The following KLHL13 variants were observed in gnomAD, a reference collection of about 807,000 sequenced individuals.
KLHL13 encodes kelch-like protein 13.
Under a neutral mutation model 37.1 loss-of-function variants are expected in KLHL13, and 10 were observed. That is an observed-to-expected ratio of 0.27 (90% CI 0.17 to 0.46). KLHL13 has a LOEUF of 0.46. Ranked by LOEUF, KLHL13 falls within the 20% of genes least tolerant of loss-of-function variation. The probability of loss-of-function intolerance (pLI) is 1.00; values close to 1 mark genes in which losing one functional copy is unlikely to be tolerated. For synonymous variants in KLHL13, 163 were observed against 181.2 expected (o/e 0.90, Z 0.81); for missense variants, 360 against 509.3 (o/e 0.71, Z 2.82).
intron 1 of KLHL13, among the ~76,000 whole-genome samples, chrX:118,072,968 C>T (rs1191428095): frequency 9.1e-6 from 1 of 109,835 alleles, no homozygotes; most frequent in Non-Finnish European, 1.9e-5. Context: ...GTGGTGAGTG[C>T]CTCTATTGCC....
chrX:118,031,046 T>C (rs1418984892), intron 1 of KLHL13, among the ~76,000 whole-genome samples: 1 of 111,058 alleles, frequency 9.0e-6, no homozygotes, highest in East Asian at 2.8e-4. Flanking sequence ...GAGTAGGTGA[T>C]AGGATATGGA....
At chrX:117,926,768 C>T (rs896184846) in intron 2 of KLHL13, among the ~76,000 whole-genome samples, 7 of 108,609 alleles carry the variant, frequency 6.4e-5, no homozygotes, top group African/African-American at 2.4e-4. Context: ...CCCCACCTCA[C>T]CCCACCCCCT....
At chrX:118,075,769 G>A (rs759566721) in intron 1 of KLHL13, among the ~76,000 whole-genome samples, 6 of 111,626 alleles carry the variant, frequency 5.4e-5, no homozygotes, top group Non-Finnish European at 9.4e-5. Context: ...TTATCTACTA[G>A]ACACAAAAGA....
chrX:117,995,769 G>C (rs1421459663), intron 1 of KLHL13, among the ~76,000 whole-genome samples: 1 of 111,124 alleles, frequency 9.0e-6, no homozygotes, highest in Non-Finnish European at 1.9e-5. Context: ...ATTTGTGCTT[G>C]GCTCCTTTCA....
chrX:117,983,482 T>C (rs1052694417), intron 1 of KLHL13: 2 of 1,139,093 alleles, frequency 1.8e-6, no homozygotes, highest in East Asian at 3.3e-5. Context: ...GGACATACCC[T>C]GAAGTTGATT....
upstream of KLHL13, among the ~76,000 whole-genome samples, chrX:117,975,175 C>CAT (rs1483521368): frequency 9.9e-5 from 10 of 100,592 alleles, no homozygotes; most frequent in African/African-American, 4.4e-4. Flanking sequence ...AGGAGAAATA[C>CAT]ATACACACAC....
intron 1 of KLHL13, among the ~76,000 whole-genome samples, chrX:118,040,872 G>C (rs1182108636): frequency 8.9e-6 from 1 of 112,333 alleles, no homozygotes; most frequent in Non-Finnish European, 1.9e-5. Flanking sequence ...AGGCTTTTCA[G>C]TGGAAACCTT....
At chrX:117,910,093 T>C in exon 5 of KLHL13, 4 of 1,154,556 alleles carry the variant, frequency 3.5e-6, no homozygotes, top group Non-Finnish European at 4.6e-6. Context: ...TTGTCTAAAG[T>C]GACCTATTAA....
At chrX:117,926,885 CTTTTTTTTTTTTTTTTTTTTTTTTTT>C (rs10596292) in intron 2 of KLHL13, among the ~76,000 whole-genome samples, 15 of 26,157 alleles carry the variant, frequency 5.7e-4, no homozygotes, top group Non-Finnish European at 1.1e-3. Flanking sequence ...CCCCCTACTT[CTTTTTTTTTTTTTTTTTTTTTTTTTT>C]TTTTTTTTTT....
intron 2 of KLHL13, among the ~76,000 whole-genome samples, chrX:117,938,151 T>G (rs376197450): frequency 8.9e-6 from 1 of 112,139 alleles, no homozygotes; most frequent in Non-Finnish European, 1.9e-5. Context: ...TTTTCCCTGT[T>G]ACTTTTTTTT....
chrX:117,920,721 T>C (rs1304504495), intron 2 of KLHL13, among the ~76,000 whole-genome samples: 2 of 111,903 alleles, frequency 1.8e-5, no homozygotes, highest in African/African-American at 6.5e-5. Context: ...TATTAGACTG[T>C]CTTAACATTC....
intron 1 of KLHL13, among the ~76,000 whole-genome samples, chrX:117,950,933 C>T (rs1933562690): frequency 8.9e-6 from 1 of 112,111 alleles, no homozygotes; most frequent in African/African-American, 3.2e-5. Context: ...AATTTCAGGG[C>T]TAAATCTGTC....
At chrX:117,948,881 T>TA (rs1933448416) in intron 1 of KLHL13, among the ~76,000 whole-genome samples, 1 of 112,066 alleles carries the variant, frequency 8.9e-6, no homozygotes, top group Admixed American at 9.5e-5. Context: ...CTGACCATTT[T>TA]ACTGAAAGCA....
At chrX:118,067,491 C>A (rs766919196) in intron 1 of KLHL13, among the ~76,000 whole-genome samples, 4 of 111,368 alleles carry the variant, frequency 3.6e-5, no homozygotes, top group Non-Finnish European at 7.5e-5. Context: ...CTTACTGTAA[C>A]TTTTTTTATA....
intron 2 of KLHL13, among the ~76,000 whole-genome samples, chrX:117,937,593 G>T (rs564543756): frequency 2.7e-5 from 3 of 111,648 alleles, no homozygotes; most frequent in Non-Finnish European, 3.8e-5. Flanking sequence ...CAGAGCAAAA[G>T]ATGACATTAT....
intron 1 of KLHL13, among the ~76,000 whole-genome samples, chrX:118,063,784 G>T (rs896487133): frequency 3.6e-5 from 4 of 111,199 alleles, no homozygotes; most frequent in Non-Finnish European, 7.6e-5. Context: ...TCTTAATAAA[G>T]AATTAAGCTA....
upstream of KLHL13, among the ~76,000 whole-genome samples, chrX:117,974,850 A>G (rs2053578248): frequency 9.0e-6 from 1 of 111,238 alleles, no homozygotes; most frequent in Non-Finnish European, 1.9e-5. Context: ...TTTTTATTCA[A>G]CCTATCATAC....
chrX:117,984,738 G>A (rs1018201247), intron 1 of KLHL13, among the ~76,000 whole-genome samples: 53 of 110,748 alleles, frequency 4.8e-4, no homozygotes, highest in Non-Finnish European at 5.7e-5. Flanking sequence ...TATCTGTCAT[G>A]TTTTACAATT....
At chrX:118,031,543 GTTAT>G (rs2054344315) in intron 1 of KLHL13, among the ~76,000 whole-genome samples, 1 of 71,361 alleles carries the variant, frequency 1.4e-5, no homozygotes. Context: ...ATATATATTA[GTTAT>G]ATATATATTT....
Sources: gnomAD v4.1 joint callset for allele counts (sites outside exome capture counted in the v4.1 genomes callset) on GRCh38, gnomAD v4.1.1 for gene constraint, MANE v1.5 for transcripts, NCBI Gene and HGNC (gene_info 2026-07-23, HGNC 2026-07-21) for gene names.